The following AGO2 variants were observed in gnomAD, a reference collection of about 807,000 sequenced individuals.
The protein encoded by AGO2 is protein argonaute-2.
AGO2 carries 5 observed loss-of-function variants against 102.3 expected under a neutral mutation model. The ratio of observed to expected loss-of-function variants is 0.05; its 90% confidence interval spans 0.03 to 0.10. The LOEUF (loss-of-function observed/expected upper bound fraction) is 0.10, where lower values mean the gene tolerates loss of function less well. Ranked by LOEUF, AGO2 falls within the 10% of genes least tolerant of loss-of-function variation. AGO2 has a pLI of 1.00. For synonymous variants in AGO2, 449 were observed against 473.1 expected (o/e 0.95, Z 0.66); for missense variants, 541 against 1,183.7 (o/e 0.46, Z 7.97).
intron 2 of AGO2, among the ~76,000 whole-genome samples, chr8:140,581,530 A>G (rs77464470): frequency 1.3e-5 from 2 of 152,192 alleles, no homozygotes; most frequent in East Asian, 1.9e-4. Flanking sequence ...AAAAAAAAAA[A>G]GGAAATGTGT....
intron 17 of AGO2, among the ~76,000 whole-genome samples, chr8:140,533,721 C>CG (rs1350146545): frequency 4.0e-5 from 6 of 151,256 alleles, no homozygotes; most frequent in Admixed American, 1.3e-4. Flanking sequence ...GCATGAGAAT[C>CG]GCTGGAACCC....
In AGO2 at chr8:140,551,416, AG is replaced by A; in HGVS notation, c.1289del (p.Pro430LeufsTer38). 1 of 1,580,120 alleles carries A rather than the reference AG, an allele frequency of 6.3e-7. No individual in the cohort carries two copies. Among genetic ancestry groups the A allele is most frequent in the Non-Finnish European group, 8.6e-7 (1 of 1,158,526 alleles). ...YGGRNKAIATPVQGVWDMRNK... is the reference protein window; with the variant it reads ...YGGRNKAIATXVQGVWDMRNK... ...TCCGCATGTCCCAGACGCCCTGGACAGGGGTCGCAATAGCTTTATTCTGCAA... is the reference window on the plus strand; with the variant it reads ...TCCGCATGTCCCAGACGCCCTGGACAGGGTCGCAATAGCTTTATTCTGCAA... On this transcript the variant is annotated frameshift_variant, in exon 11 of 19. Transcript: ENST00000220592. LOFTEE classifies it high-confidence loss of function.
At chr8:140,552,125 G>A (rs2073010204) in intron 10 of AGO2, among the ~76,000 whole-genome samples, 1 of 152,226 alleles carries the variant, frequency 6.6e-6, no homozygotes, top group Non-Finnish European at 1.5e-5. Flanking sequence ...AAGGCCTCCT[G>A]TTCTATACAG....
At chr8:140,608,766 G>A (rs923020737) in intron 1 of AGO2, among the ~76,000 whole-genome samples, 2 of 152,196 alleles carry the variant, frequency 1.3e-5, no homozygotes. Flanking sequence ...AGCAGTGAGG[G>A]GTGTCCCTGC....
intron 1 of AGO2, among the ~76,000 whole-genome samples, chr8:140,603,205 C>T (rs1441334937): frequency 6.6e-6 from 1 of 152,106 alleles, no homozygotes; most frequent in South Asian, 2.1e-4. Context: ...CCTGTGGACC[C>T]GGCTCAGCAG....
At chr8:140,553,348 C>G (rs548158201) in intron 10 of AGO2, among the ~76,000 whole-genome samples, 18 of 151,596 alleles carry the variant, frequency 1.2e-4, no homozygotes, top group African/African-American at 4.4e-4. Context: ...CGCGTCACTG[C>G]ACTGGAGCCA....
In AGO2 at chr8:140,535,501, G is replaced by A. The variant is rs1012373565; in HGVS notation, c.2238C>T (p.Phe746=). The A allele has an allele frequency of 3.7e-6, 6 of 1,614,118 alleles. No individual in the cohort carries two copies. Among genetic ancestry groups the A allele is most frequent in the African/African-American group, 2.7e-5 (2 of 74,956 alleles). Residue 746 remains phenylalanine (F), a synonymous_variant, in exon 17 of 19, where the codon TTC becomes TTT. Coordinates refer to ENST00000220592, the MANE Select transcript of AGO2 (RefSeq NM_012154.5). ...VDTKITHPTE[F]DFYLCSHAGI... is the part of the protein sequence containing the mutation. ...CAGCGTGACTACACAGGTAGAAGTC[G>A]AACTCGGTGGGGTGGGTGATTTTCG...
intron 1 of AGO2, among the ~76,000 whole-genome samples, chr8:140,624,371 C>T (rs747320249): frequency 1.3e-5 from 2 of 152,218 alleles, no homozygotes; most frequent in Non-Finnish European, 1.5e-5. Context: ...GGGCACAGAG[C>T]CGGCGTGCGT....
chr8:140,547,997 A>G (rs2072931672), intron 12 of AGO2, among the ~76,000 whole-genome samples: 1 of 152,216 alleles, frequency 6.6e-6, no homozygotes, highest in Non-Finnish European at 1.5e-5. Context: ...ACTAAAAGAA[A>G]GGACTTGGCT....
intron 1 of AGO2, among the ~76,000 whole-genome samples, chr8:140,629,904 AGCGGAG>A (rs1486998668): frequency 1.6e-5 from 1 of 63,272 alleles, no homozygotes; most frequent in Non-Finnish European, 3.1e-5. Flanking sequence ...AGGGGAGGGG[AGCGGAG>A]GCGAGGGGAG....
chr8:140,562,353 T>C lies in AGO2; in HGVS notation c.518+100A>G, dbSNP rs553375875. 1.2e-4 allele frequency: 173 copies of C among 1,425,732 alleles called. No individual in the cohort carries two copies. In the East Asian group the frequency reaches 3.8e-3, roughly 32 times the overall value. The allele number at this position is 1,425,732 out of a possible 1,614,324, so 88.3% of individuals were successfully genotyped here. On this transcript the variant is annotated intron_variant, in intron 4 of 18. Coordinates refer to ENST00000220592, the MANE Select transcript of AGO2 (RefSeq NM_012154.5). ...CCCACGTGACCACTCCCACCCTGGA[T>C]CCAAGAATGAGCCGTTCCTCGGACA...
chr8:140,551,569 C>T, intron 10 of AGO2, 133 bp from the exon 11 acceptor site: 1 of 1,031,800 alleles, frequency 9.7e-7, no homozygotes, highest in Non-Finnish European at 1.3e-6. Context: ...TGTGTTGTCT[C>T]CTGTCTCTGA....
chr8:140,602,702 C>G (rs1045022717), intron 1 of AGO2, among the ~76,000 whole-genome samples: 1 of 152,206 alleles, frequency 6.6e-6, no homozygotes, highest in Non-Finnish European at 1.5e-5. Flanking sequence ...TAACAAATGA[C>G]AGAAATCAGA....
rs111938670 is a variant in AGO2 at position 140,600,470 on chromosome 8, C to T, written c.23-15159G>A. On this transcript the variant is annotated intron_variant, in intron 1 of 18. Transcript: ENST00000220592. ...CCGAGGCGGGCAGATCACCTGAGGT[C>T]GGGAGTTCGAGACCAGCCTGACCAA... is the stretch of plus-strand genomic sequence containing the variant. Among the ~76,000 whole-genome samples the T allele has an allele frequency of 3.2e-3, 482 of 152,208 alleles. 5 individuals carry two copies. Among genetic ancestry groups the T allele is most frequent in the Middle Eastern group, 0.024 (7 of 294 alleles).
rs559367309 is a variant in AGO2 at position 140,525,499 on chromosome 8, C to G, written c.*6545G>C. 1.2e-4 allele frequency: 19 copies of G among 152,364 alleles called. No homozygotes were observed. The East Asian group carries it at 1.9e-3, about 15-fold the overall frequency. 9.4% of individuals were successfully genotyped at this position (152,364 alleles called of 1,614,324 possible). A position where few individuals can be genotyped will look rare whatever the true frequency, so the allele number is the denominator to read the frequency against. The stretch of plus-strand genomic sequence containing the variant: ...TGGCGGCAGAATTACAAAACATTCT[C>G]AGAGAGACTGCAAAGGACACTTAGC... On this transcript the variant is annotated 3_prime_UTR_variant, in exon 19 of 19. Transcript: ENST00000220592.
intron 1 of AGO2, among the ~76,000 whole-genome samples, chr8:140,611,453 A>G (rs1346962018): frequency 6.6e-6 from 1 of 151,272 alleles, no homozygotes; most frequent in Non-Finnish European, 1.5e-5. Flanking sequence ...TCAGCCTCCC[A>G]AGTAGCTGGG....
At chr8:140,537,361 G>A (rs1247573563) in intron 16 of AGO2, among the ~76,000 whole-genome samples, 7 of 151,660 alleles carry the variant, frequency 4.6e-5, no homozygotes, top group Non-Finnish European at 8.8e-5. Flanking sequence ...GAGTGCAGTG[G>A]TGCAATCACA....
intron 3 of AGO2, among the ~76,000 whole-genome samples, chr8:140,570,260 T>A (rs528987118): frequency 6.6e-6 from 1 of 152,316 alleles, no homozygotes; most frequent in East Asian, 1.9e-4. Context: ...GTTTTGCTCT[T>A]GTTGCCCAAG....
In AGO2 at chr8:140,523,806, G is replaced by A. The variant is rs1405010771; in HGVS notation, c.*8238C>T. 6.6e-6 allele frequency: 1 copy of A among 152,220 alleles called. No homozygotes were observed. Among genetic ancestry groups the A allele is most frequent in the African/African-American group, 2.4e-5 (1 of 41,430 alleles). The allele number at this position is 152,220 out of a possible 1,614,324, so 9.4% of individuals were successfully genotyped here. A position where few individuals can be genotyped will look rare whatever the true frequency, so the allele number is the denominator to read the frequency against. On this transcript the variant is annotated 3_prime_UTR_variant, in exon 19 of 19. Coordinates refer to ENST00000220592, the MANE Select transcript of AGO2 (RefSeq NM_012154.5). Reference sequence around the variant, plus strand: ...CTCTGCAGCCGTTGCCTCTGTGGAGGGAGAGGCCATTCCTTGCCTTGCAGG... The same window carrying A: ...CTCTGCAGCCGTTGCCTCTGTGGAGAGAGAGGCCATTCCTTGCCTTGCAGG...
Sources: gnomAD v4.1 joint callset for allele counts (sites outside exome capture counted in the v4.1 genomes callset) on GRCh38, gnomAD v4.1.1 for gene constraint, MANE v1.5 for transcripts, NCBI Gene and HGNC (gene_info 2026-07-23, HGNC 2026-07-21) for gene names.